Variants in TCF12 observed in about 807,000 individuals in gnomAD.
TCF12 encodes the protein DNA-binding protein HTF4.
Under a neutral mutation model 86.0 loss-of-function variants are expected in TCF12, and 45 were observed. That is an observed-to-expected ratio of 0.52 (90% CI 0.41 to 0.67). The LOEUF is 0.67. TCF12 is among the 30% of genes least tolerant of loss of function. The pLI is 0.00. For missense variants in TCF12, 881 were observed against 859.9 expected (o/e 1.02, Z -0.31); for synonymous variants, 330 against 299.6 (o/e 1.10, Z -1.05).
intron 5 of TCF12, among the ~76,000 whole-genome samples, chr15:57,096,783 G>A (rs2049354370): frequency 6.6e-6 from 1 of 152,134 alleles, no homozygotes; most frequent in African/African-American, 2.4e-5. Context: ...CACAGATAGA[G>A]GGCAGACTGT....
chr15:56,936,182 G>C (rs1265152486), intron 3 of TCF12, among the ~76,000 whole-genome samples: 11 of 152,104 alleles, frequency 7.2e-5, no homozygotes, highest in African/African-American at 2.7e-4. Flanking sequence ...TCTTGTGAGA[G>C]TAAGGTGGTA....
At chr15:56,990,065 T>G (rs528637494) in intron 3 of TCF12, among the ~76,000 whole-genome samples, 1 of 152,126 alleles carries the variant, frequency 6.6e-6, no homozygotes, top group African/African-American at 2.4e-5. Flanking sequence ...AAAATTGTAT[T>G]AATACCTTAA....
chr15:57,061,335 G>C (rs1233575533), intron 3 of TCF12, among the ~76,000 whole-genome samples: 1 of 152,140 alleles, frequency 6.6e-6, no homozygotes, highest in African/African-American at 2.4e-5. Context: ...GTTCACACCT[G>C]TGATCCCAGC....
intron 3 of TCF12, among the ~76,000 whole-genome samples, chr15:56,938,040 C>T (rs942049317): frequency 0.14 from 2,813 of 20,148 alleles, no homozygotes; most frequent in African/African-American, 0.16. Context: ...TTTTTCGTTT[C>T]TTTTCTTTTT....
At chr15:57,273,693 G>A (rs2061252759) in intron 19 of TCF12, among the ~76,000 whole-genome samples, 1 of 151,984 alleles carries the variant, frequency 6.6e-6, no homozygotes, top group South Asian at 2.1e-4. Context: ...TGGTTAATAG[G>A]ATGCCTTGTT....
At chr15:57,217,380 C>T (rs1215288200) in intron 8 of TCF12, among the ~76,000 whole-genome samples, 2 of 152,018 alleles carry the variant, frequency 1.3e-5, no homozygotes, top group Non-Finnish European at 2.9e-5. Context: ...ATAATTGCCT[C>T]TAAAATAAAG....
Position 57,166,376 on chromosome 15 carries a change from ATAAAGT to A in TCF12, c.326-22_326-17del, listed in dbSNP as rs765553938. ...TCTGTCAATAAATGAAGGGTTTTAT[ATAAAGT>A]TAATTTCTTTGTTTTATAGGAAAAA... On this transcript the variant is annotated intron_variant, in intron 5 of 20. Coordinates refer to ENST00000333725, the MANE Select transcript of TCF12 (RefSeq NM_207037.2). 2 of 1,598,310 alleles carry A rather than the reference ATAAAGT, an allele frequency of 1.3e-6. No individual in the cohort carries two copies. The highest frequency in any genetic ancestry group is 2.7e-5 in the African/African-American group (2 of 74,568).
chr15:57,209,226 T>C (rs1018208506), intron 8 of TCF12, among the ~76,000 whole-genome samples: 2 of 152,210 alleles, frequency 1.3e-5, no homozygotes, highest in Admixed American at 1.3e-4. Flanking sequence ...ATATGTTAAC[T>C]GGCCTTCTTT....
chr15:56,933,761 A>G (rs538959702), intron 3 of TCF12, among the ~76,000 whole-genome samples: 3 of 152,132 alleles, frequency 2.0e-5, no homozygotes, highest in Non-Finnish European at 4.4e-5. Context: ...AGCTTTTCAT[A>G]TACATATGGA....
In TCF12 at chr15:57,152,287, A is replaced by G. The variant is rs568113095; in HGVS notation, c.326-14115A>G. Among the ~76,000 whole-genome samples the G allele has an allele frequency of 9.2e-5, 14 of 152,358 alleles. No individual in the cohort carries two copies. The South Asian group carries it at 2.9e-3, about 32-fold the overall frequency. On this transcript the variant is annotated intron_variant, in intron 5 of 20. Coordinates refer to ENST00000333725, the MANE Select transcript of TCF12 (RefSeq NM_207037.2). ...CACACACATAAGCAAGAGAAAAACA[A>G]AACAAATACTTTCAAGAGGCAAAAC...
intron 4 of TCF12, among the ~76,000 whole-genome samples, chr15:57,076,991 C>T (rs2070123485): frequency 6.6e-6 from 1 of 152,030 alleles, no homozygotes; most frequent in African/African-American, 2.4e-5. Context: ...TATCTGGGCT[C>T]TGTATTGTGT....
At chr15:56,955,743 A>G (rs1054233393) in intron 3 of TCF12, among the ~76,000 whole-genome samples, 5 of 152,240 alleles carry the variant, frequency 3.3e-5, no homozygotes, top group East Asian at 1.9e-4. Flanking sequence ...CTAAGTATCA[A>G]GTGATTTTAG....
At position 57,143,939 on chromosome 15, in the gene TCF12, G is replaced by GT. The variant is rs199536131; in HGVS notation, c.326-22456dup. Reference sequence around the variant, plus strand: ...GAGATTAGAGTTGCTCCTGGGGAGGGTTTTTTTGACAATTGAGTTCTTTTA... The same window carrying GT: ...GAGATTAGAGTTGCTCCTGGGGAGGGTTTTTTTTGACAATTGAGTTCTTTTA... On this transcript the variant is annotated intron_variant, in intron 5 of 20. Transcript: ENST00000333725. Among the ~76,000 whole-genome samples, 1,243 of 152,208 alleles carry GT rather than the reference G, an allele frequency of 8.2e-3. 13 individuals are homozygous for GT. The highest frequency in any genetic ancestry group is 0.028 in the African/African-American group (1,175 of 41,524).
intron 3 of TCF12, among the ~76,000 whole-genome samples, chr15:57,004,347 C>T (rs1346734744): frequency 6.6e-6 from 1 of 151,984 alleles, no homozygotes; most frequent in Non-Finnish European, 1.5e-5. Context: ...AAGTGATTCT[C>T]CTGTCTCAGC....
rs2059930857 is a variant in TCF12 at position 57,247,783 on chromosome 15, C to T, written c.1115-3567C>T. On this transcript the variant is annotated intron_variant, in intron 13 of 20. Transcript: ENST00000333725. ...GTGGTCTAGCACACCTTGCTGCCTC[C>T]ACCTCTTCAACACAAGAGTAAGTCA... is the stretch of plus-strand genomic sequence containing the variant. 1.1e-5 allele frequency: 8 copies of T among 747,492 alleles called. No individual in the cohort carries two copies. In the Admixed American group the frequency reaches 1.2e-4, roughly 11 times the overall value. 46.3% of individuals were successfully genotyped at this position (747,492 alleles called of 1,614,324 possible). A position where few individuals can be genotyped will look rare whatever the true frequency, so the allele number is the denominator to read the frequency against.
At chr15:56,958,668 A>G (rs2061599518) in intron 3 of TCF12, among the ~76,000 whole-genome samples, 1 of 66,590 alleles carries the variant, frequency 1.5e-5, no homozygotes. Flanking sequence ...AGAAAGAGAG[A>G]GAGAGAGAGA....
Position 56,919,875 on chromosome 15 carries a change from C to A in TCF12, c.-22-17C>A. ...GGCCTCGGTGGTCTCTCGCTGAGCC[C>A]GTTTCCTCTGCCCTAGGACCTGCTA... On this transcript the variant is annotated splice_polypyrimidine_tract_variant and intron_variant, in intron 1 of 20. Coordinates refer to ENST00000333725, the MANE Select transcript of TCF12 (RefSeq NM_207037.2). The A allele has an allele frequency of 1.9e-6, 3 of 1,610,938 alleles. No individual in the cohort carries two copies. The highest frequency in any genetic ancestry group is 2.2e-5 in the South Asian group (2 of 90,952).
rs769956428 is a variant in TCF12 at position 57,226,925 on chromosome 15, G to T, written c.580-4227G>T. 4.8e-5 allele frequency among the ~76,000 whole-genome samples: 3 copies of T among 62,188 alleles called. 1 individual carries two copies. Among genetic ancestry groups the T allele is most frequent in the Non-Finnish European group, 2.1e-4 (3 of 14,364 alleles). 40.8% of individuals were successfully genotyped at this position (62,188 alleles called of 152,430 possible). A position where few individuals can be genotyped will look rare whatever the true frequency, so the allele number is the denominator to read the frequency against. ...AGTAGTCATGTGACTGATAGCTACT[G>T]TATTGTACAGCATAGATACGGAACA... On this transcript the variant is annotated intron_variant, in intron 8 of 20. Coordinates refer to ENST00000333725, the MANE Select transcript of TCF12 (RefSeq NM_207037.2).
At chr15:56,980,973 A>G (rs2585079) in intron 3 of TCF12, among the ~76,000 whole-genome samples, 1,634 of 152,338 alleles carry the variant, frequency 0.011, 32 homozygotes, top group African/African-American at 0.037. Flanking sequence ...TTTATGGAAG[A>G]TTAGGTAATC....
Sources: gnomAD v4.1 joint callset for allele counts (sites outside exome capture counted in the v4.1 genomes callset) on GRCh38, gnomAD v4.1.1 for gene constraint, MANE v1.5 for transcripts, NCBI Gene and HGNC (gene_info 2026-07-23, HGNC 2026-07-21) for gene names.